The following GNA14 variants were observed in gnomAD, a reference collection of about 807,000 sequenced individuals.
GNA14 encodes guanine nucleotide-binding protein subunit alpha-14.
In GNA14, 50 loss-of-function variants were observed where a neutral mutation model predicts 42.0. The observed-to-expected ratio is 1.19, with a 90% CI of 0.95 to 1.51. The LOEUF is 1.51. GNA14 is among the 40% of genes most tolerant of loss of function. GNA14 has a pLI of 0.00. For missense variants in GNA14, 473 were observed against 446.2 expected (o/e 1.06, Z -0.54); for synonymous variants, 173 against 163.1 (o/e 1.06, Z -0.46).
At chr9:77,483,366 G>A (rs899227479) in intron 2 of GNA14, among the ~76,000 whole-genome samples, 1 of 152,172 alleles carries the variant, frequency 6.6e-6, no homozygotes, top group Non-Finnish European at 1.5e-5. Flanking sequence ...CTGCCGAACA[G>A]CGGTGGCTGT....
intron 1 of GNA14, among the ~76,000 whole-genome samples, chr9:77,561,327 T>A (rs1822879218): frequency 6.6e-6 from 1 of 152,090 alleles, no homozygotes; most frequent in Non-Finnish European, 1.5e-5. Flanking sequence ...TTCCCTCAAA[T>A]GAACAAATCC....
At chr9:77,544,357 G>C (rs943984236) in intron 1 of GNA14, among the ~76,000 whole-genome samples, 2 of 152,258 alleles carry the variant, frequency 1.3e-5, no homozygotes, top group Admixed American at 1.3e-4. Context: ...TCTGTGGCTT[G>C]TAGATAAAAT....
chr9:77,520,783 G>A (rs1178909677), intron 2 of GNA14, among the ~76,000 whole-genome samples: 1 of 152,100 alleles, frequency 6.6e-6, no homozygotes, highest in African/African-American at 2.4e-5. Context: ...ACTAGTTTCT[G>A]GATTGTTTGT....
chr9:77,615,787 A>G (rs1468297982), intron 1 of GNA14, among the ~76,000 whole-genome samples: 1 of 151,194 alleles, frequency 6.6e-6, no homozygotes, highest in Non-Finnish European at 1.5e-5. Context: ...TACCATATCC[A>G]ACACTTCACT....
intron 2 of GNA14, among the ~76,000 whole-genome samples, chr9:77,480,275 T>C (rs1836520552): frequency 6.6e-6 from 1 of 152,256 alleles, no homozygotes; most frequent in African/African-American, 2.4e-5. Flanking sequence ...TGTTGAATTT[T>C]GTCTAAGGCC....
intron 6 of GNA14, 21 bp downstream of exon 6, chr9:77,425,541 G>A: frequency 6.3e-7 from 1 of 1,574,944 alleles, no homozygotes; most frequent in Non-Finnish European, 8.7e-7. Flanking sequence ...AGAAAACACT[G>A]TCCACAAGAT....
intron 2 of GNA14, among the ~76,000 whole-genome samples, chr9:77,449,840 C>T (rs754778891): frequency 3.3e-5 from 5 of 152,202 alleles, no homozygotes; most frequent in East Asian, 1.9e-4. Flanking sequence ...GATGGCAAAA[C>T]GCCAGAGCAT....
chr9:77,645,004 G>T (rs1281558987), intron 1 of GNA14, among the ~76,000 whole-genome samples: 1 of 152,160 alleles, frequency 6.6e-6, no homozygotes, highest in African/African-American at 2.4e-5. Context: ...ATGAGAAAGT[G>T]TCACACCAAC....
chr9:77,457,332 TG>T (rs1184083284), intron 2 of GNA14, among the ~76,000 whole-genome samples: 1 of 152,210 alleles, frequency 6.6e-6, no homozygotes, highest in African/African-American at 2.4e-5. Context: ...AAATGCCCCT[TG>T]GGGGTCTATG....
In GNA14 at chr9:77,529,825, C is replaced by A. The variant is rs1837501998; in HGVS notation, c.125-572G>T. 2.0e-5 allele frequency among the ~76,000 whole-genome samples: 3 copies of A among 152,122 alleles called. No individual in the cohort carries two copies. The South Asian group carries it at 6.2e-4, about 32-fold the overall frequency. On this transcript the variant is annotated intron_variant, in intron 1 of 6. Coordinates refer to ENST00000341700, the MANE Select transcript of GNA14 (RefSeq NM_004297.4). ...CCAAGGAACGTGTTACAGTATGAAG[C>A]CATCCCTATTGTTCTTAAATGTGCA...
chr9:77,610,438 T>C (rs1047577083), intron 1 of GNA14, among the ~76,000 whole-genome samples: 7 of 152,204 alleles, frequency 4.6e-5, no homozygotes, highest in African/African-American at 1.4e-4. Flanking sequence ...ACCTTAAATG[T>C]TGAAGAGACA....
At chr9:77,609,346 C>T (rs1376962882) in intron 1 of GNA14, among the ~76,000 whole-genome samples, 1 of 152,186 alleles carries the variant, frequency 6.6e-6, no homozygotes, top group East Asian at 1.9e-4. Context: ...ACCAGCATTG[C>T]ATTCATGATT....
At chr9:77,451,182 T>A (rs1020486018) in intron 2 of GNA14, among the ~76,000 whole-genome samples, 1 of 152,122 alleles carries the variant, frequency 6.6e-6, no homozygotes, top group South Asian at 2.1e-4. Context: ...TCTCAGCTCA[T>A]CCCCTAGTAG....
intron 1 of GNA14, among the ~76,000 whole-genome samples, chr9:77,565,123 T>G (rs1023021526): frequency 6.6e-6 from 1 of 152,254 alleles, no homozygotes; most frequent in African/African-American, 2.4e-5. Context: ...TTTCAACTAC[T>G]ATATGGCATT....
chr9:77,567,510 T>C (rs1392452410), intron 1 of GNA14, among the ~76,000 whole-genome samples: 5 of 152,200 alleles, frequency 3.3e-5, no homozygotes. Flanking sequence ...CAGTTAATTC[T>C]AACTAGTCAC....
intron 2 of GNA14, among the ~76,000 whole-genome samples, chr9:77,479,379 TA>T (rs1188810715): frequency 6.6e-6 from 1 of 152,176 alleles, no homozygotes; most frequent in African/African-American, 2.4e-5. Context: ...TCCATTGATC[TA>T]TATCTCTGTT....
intron 1 of GNA14, among the ~76,000 whole-genome samples, chr9:77,596,203 G>A (rs1823464842): frequency 6.6e-6 from 1 of 151,916 alleles, no homozygotes; most frequent in African/African-American, 2.4e-5. Flanking sequence ...ATAAACAAAT[G>A]TCATTGACTG....
chr9:77,528,790 C>T lies in GNA14; in HGVS notation c.309+279G>A, dbSNP rs191960338. Among the ~76,000 whole-genome samples the T allele has an allele frequency of 2.0e-4, 30 of 152,304 alleles. 1 individual carries two copies. Among genetic ancestry groups the T allele is most frequent in the Middle Eastern group, 3.4e-3 (1 of 294 alleles). The stretch of plus-strand genomic sequence containing the variant: ...CTTAGCGGAAAGAGAAAATGTATGA[C>T]TTCCTTTTCTCAGCGCCGGAAATAA... On this transcript the variant is annotated intron_variant, in intron 2 of 6. Transcript: ENST00000341700.
At chr9:77,591,039 A>T (rs1240899183) in intron 1 of GNA14, among the ~76,000 whole-genome samples, 2 of 152,194 alleles carry the variant, frequency 1.3e-5, no homozygotes, top group South Asian at 2.1e-4. Flanking sequence ...CGGCAAACTT[A>T]AAGTCATCTC....
Sources: gnomAD v4.1 joint callset for allele counts (sites outside exome capture counted in the v4.1 genomes callset) on GRCh38, gnomAD v4.1.1 for gene constraint, MANE v1.5 for transcripts, NCBI Gene and HGNC (gene_info 2026-07-23, HGNC 2026-07-21) for gene names.